NSD1: variants seen among roughly 807,000 people sequenced by gnomAD.
The protein encoded by NSD1 is histone-lysine N-methyltransferase, H3 lysine-36 specific.
NSD1 carries 26 observed loss-of-function variants against 242.7 expected under a neutral mutation model. That is an observed-to-expected ratio of 0.11 (90% CI 0.08 to 0.15). NSD1 has a LOEUF of 0.15. Among genes scored for constraint, NSD1 ranks in the 10% least tolerant of loss-of-function variants. NSD1 has a pLI of 1.00. For synonymous variants in NSD1, 1,106 were observed against 1,178.1 expected (o/e 0.94, Z 1.25); for missense variants, 2,495 against 3,272.8 (o/e 0.76, Z 5.80).
chr5:177,155,469 G>A (rs987935885), intron 2 of NSD1, among the ~76,000 whole-genome samples: 2 of 151,312 alleles, frequency 1.3e-5, no homozygotes. Flanking sequence ...TCACCATGTC[G>A]GCTAAGCTGG....
chr5:177,219,062 AGAT>A (rs1764027815), intron 5 of NSD1, among the ~76,000 whole-genome samples: 1 of 151,870 alleles, frequency 6.6e-6, no homozygotes, highest in South Asian at 2.1e-4. Context: ...CTTTGGGCTT[AGAT>A]TTATTTTTCT....
At chr5:177,156,394 T>G (rs1288349027) in intron 2 of NSD1, among the ~76,000 whole-genome samples, 1 of 152,128 alleles carries the variant, frequency 6.6e-6, no homozygotes, top group Non-Finnish European at 1.5e-5. Context: ...TTGGCCAGGA[T>G]GGTCTCGTTC....
intron 2 of NSD1, among the ~76,000 whole-genome samples, chr5:177,142,498 ATAGTT>A (rs1457533780): frequency 6.6e-6 from 1 of 152,138 alleles, no homozygotes; most frequent in East Asian, 1.9e-4. Flanking sequence ...GTGGTTATTT[ATAGTT>A]TAAGCAGAGA....
At position 177,238,655 on chromosome 5, in the gene NSD1, A is replaced by C; in HGVS notation, c.4192+148A>C. The C allele has an allele frequency of 3.4e-6, 3 of 887,026 alleles. No individual in the cohort carries two copies. The highest frequency in any genetic ancestry group is 5.4e-6 in the Non-Finnish European group (3 of 556,806). 54.9% of individuals were successfully genotyped at this position (887,026 alleles called of 1,614,324 possible). On this transcript the variant is annotated intron_variant, in intron 7 of 22. Coordinates refer to ENST00000439151, the MANE Select transcript of NSD1 (RefSeq NM_022455.5). This position sits in a 1 kb window ranked among gnomAD's most constrained non-coding sequence, Gnocchi z 4.6. ...TGGGAAATACTTAAAATGATGGTTA[A>C]TTAGATATAGTTACTAACCATGAAC... is the stretch of plus-strand genomic sequence containing the variant.
chr5:177,260,308 G>T, intron 14 of NSD1, 140 bp downstream of exon 14: 3 of 573,286 alleles, frequency 5.2e-6, no homozygotes, highest in Non-Finnish European at 6.2e-6. Flanking sequence ...TTCAGGAAAT[G>T]ATGTCCCGAA....
intron 10 of NSD1, among the ~76,000 whole-genome samples, chr5:177,247,773 A>G (rs899069365): frequency 6.6e-6 from 1 of 152,234 alleles, no homozygotes; most frequent in Non-Finnish European, 1.5e-5. Flanking sequence ...AAAAGAGAGA[A>G]GTCAGGTCAG....
At chr5:177,218,183 G>T (rs1763936619) in intron 5 of NSD1, among the ~76,000 whole-genome samples, 1 of 152,132 alleles carries the variant, frequency 6.6e-6, no homozygotes, top group Non-Finnish European at 1.5e-5. Flanking sequence ...AAGTAGCTGG[G>T]ACTGCAGGTG....
chr5:177,287,346 A>G (rs926897922), intron 20 of NSD1, among the ~76,000 whole-genome samples: 2 of 152,258 alleles, frequency 1.3e-5, no homozygotes, highest in South Asian at 4.1e-4. Context: ...TTATTAAGAA[A>G]AAGACAGTGT....
chr5:177,198,142 C>T (rs1762243939), intron 3 of NSD1, among the ~76,000 whole-genome samples: 1 of 152,174 alleles, frequency 6.6e-6, no homozygotes, highest in Non-Finnish European at 1.5e-5. Flanking sequence ...CCTTCCACCT[C>T]AGCCTCCTCA....
intron 16 of NSD1, among the ~76,000 whole-genome samples, chr5:177,271,983 G>A (rs1362730122): frequency 1.3e-5 from 2 of 151,984 alleles, no homozygotes; most frequent in Non-Finnish European, 2.9e-5. Flanking sequence ...AATTAGCTGG[G>A]CATGGTGATG....
intron 2 of NSD1, among the ~76,000 whole-genome samples, chr5:177,186,840 G>A (rs1761273739): frequency 6.6e-6 from 1 of 152,036 alleles, no homozygotes; most frequent in Admixed American, 6.6e-5. Flanking sequence ...GGTGGTGTGT[G>A]CCTTTAGTCC....
chr5:177,211,080 C>T lies in NSD1; in HGVS notation c.2681C>T (p.Ser894Phe). The T allele has an allele frequency of 6.2e-7, 1 of 1,614,194 alleles. No individual in the cohort carries two copies. The highest frequency in any genetic ancestry group is 1.1e-5 in the South Asian group (1 of 91,084). Residue 894 changes from serine (S) to phenylalanine (F), a missense_variant, in exon 5 of 23, where the codon TCT (serine) becomes TTT (phenylalanine). This residue lies in a region of NSD1 where 121 missense variants were observed against 167.2 expected (regional missense o/e 0.72). Coordinates refer to ENST00000439151, the MANE Select transcript of NSD1 (RefSeq NM_022455.5). ...AAACCATTACTTTTCTCTTCTGCTT[C>T]TAGTCAGAATCACATACCTATTGAA... ...PSKPLLFSSA[S>F]SQNHIPIEPD...
intron 4 of NSD1, among the ~76,000 whole-genome samples, chr5:177,205,299 G>A (rs1262306886): frequency 1.3e-5 from 2 of 152,058 alleles, no homozygotes; most frequent in African/African-American, 4.8e-5. Flanking sequence ...GCCTCCCAAA[G>A]TGCTGGGATT....
chr5:177,295,547 A>G lies in NSD1; in HGVS notation c.*88A>G. 1 of 1,331,014 alleles carries G rather than the reference A, an allele frequency of 7.5e-7. No individual in the cohort carries two copies. Among genetic ancestry groups the G allele is most frequent in the Non-Finnish European group, 1.1e-6 (1 of 945,348 alleles). The allele number at this position is 1,331,014 out of a possible 1,614,324, so 82.5% of individuals were successfully genotyped here. ...CTTTTCTTTCTTTCCCCCTTAAAAAAAAACACATCTGCCCCGAACACTTTC... is the reference window on the plus strand; with the variant it reads ...CTTTTCTTTCTTTCCCCCTTAAAAAGAAACACATCTGCCCCGAACACTTTC... On this transcript the variant is annotated 3_prime_UTR_variant, in exon 23 of 23. Transcript: ENST00000439151. The surrounding 1 kb of genome is among the most constrained non-coding windows in gnomAD (Gnocchi z 4.3).
At chr5:177,158,270 TTTC>T (rs1562130215) in intron 2 of NSD1, among the ~76,000 whole-genome samples, 8 of 103,718 alleles carry the variant, frequency 7.7e-5, no homozygotes, top group African/African-American at 3.3e-4. Context: ...TCTTTCTTTC[TTTC>T]TTTCTTTCTT....
chr5:177,292,284 G>T, intron 22 of NSD1, 126 bp downstream of exon 22: 1 of 907,628 alleles, frequency 1.1e-6, no homozygotes, highest in Non-Finnish European at 1.8e-6. Flanking sequence ...GAGGGGTATG[G>T]TCTATTTTCT....
chr5:177,196,330 A>C (rs1037483680), intron 3 of NSD1, among the ~76,000 whole-genome samples: 1 of 152,238 alleles, frequency 6.6e-6, no homozygotes, highest in Non-Finnish European at 1.5e-5. Flanking sequence ...TTAAAAGTTC[A>C]CTGTGGCTGG....
At chr5:177,138,978 G>T (rs947198455) in intron 2 of NSD1, among the ~76,000 whole-genome samples, 4 of 150,432 alleles carry the variant, frequency 2.7e-5, no homozygotes, top group African/African-American at 9.7e-5. Context: ...GGGTGGGCAT[G>T]GTGGCTCACG....
At chr5:177,171,954 T>C (rs59605485) in intron 2 of NSD1, among the ~76,000 whole-genome samples, 4,151 of 152,332 alleles carry the variant, frequency 0.027, 188 homozygotes, top group African/African-American at 0.095. Context: ...TCAGTTCTTT[T>C]TGGTATATGC....
Sources: gnomAD v4.1 joint callset for allele counts (sites outside exome capture counted in the v4.1 genomes callset) on GRCh38, gnomAD v4.1.1 for gene constraint, gnomAD v4.1.1 regional missense constraint, Gnocchi (gnomAD v3.1) non-coding constraint, MANE v1.5 for transcripts, NCBI Gene and HGNC (gene_info 2026-07-23, HGNC 2026-07-21) for gene names.